Variants in TCFL5 observed in about 807,000 individuals in gnomAD.
The protein encoded by TCFL5 is transcription factor like 5.
Under a neutral mutation model 44.3 loss-of-function variants are expected in TCFL5, and 9 were observed. The ratio of observed to expected loss-of-function variants is 0.20; its 90% CI spans 0.12 to 0.35. The LOEUF (loss-of-function observed/expected upper bound fraction) is 0.35. Ranked by LOEUF, TCFL5 falls within the 10% of genes least tolerant of loss-of-function variation. TCFL5 has a pLI of 1.00. For synonymous variants in TCFL5, 319 were observed against 271.6 expected (o/e 1.17, Z -1.72); for missense variants, 603 against 613.4 (o/e 0.98, Z 0.18).
At position 62,861,652 on chromosome 20, in the gene TCFL5, G is replaced by C. The variant is rs1475682076; in HGVS notation, c.19C>G (p.Arg7Gly). The change falls in exon 1 of 6, where the codon CGG becomes GGG. Residue 7 changes from arginine to glycine, a missense_variant. Physicochemically the swap from Arg to Gly is moderately radical, Grantham distance 125 (BLOSUM62 -2). Coordinates refer to ENST00000335351, the MANE Select transcript of TCFL5 (RefSeq NM_006602.4). The surrounding 1 kb of genome is among the most constrained non-coding windows in gnomAD (Gnocchi z 4.0). ...GCGCCTGCCTCCGGCGGCGGCTCCC[G>C]CGGTCCGGGGCCCGACATGGCGGCG... MSGPGP[R>G]EPPPEAGAAG... 1.8e-4 allele frequency: 167 copies of C among 906,490 alleles called. No homozygotes were observed. Among genetic ancestry groups the C allele is most frequent in the Non-Finnish European group, 2.1e-4 (159 of 759,708 alleles). The allele number at this position is 906,490 out of a possible 1,614,324, so 56.2% of individuals were successfully genotyped here.
Position 62,857,472 on chromosome 20 carries a change from C to T in TCFL5, c.1161G>A (p.Gly387=), listed in dbSNP as rs1224271088. Residue 387 remains glycine (G), a synonymous_variant, in exon 4 of 6, where the codon GGG becomes GGA. Transcript: ENST00000335351. ...QSSESSQANL[G]EQAQSGPQGG... ...CCTGGGGCCCACTCTGGGCCTGCTC[C>T]CCCAGGTTTGCCTGTGAGGACTCCG... 2 of 1,614,224 alleles carry T rather than the reference C, an allele frequency of 1.2e-6. No homozygotes were observed. The highest frequency in any genetic ancestry group is 2.2e-5 in the East Asian group (1 of 44,884).
At chr20:62,845,427 C>A in intron 5 of TCFL5, 1 of 1,259,252 alleles carries the variant, frequency 7.9e-7, no homozygotes, top group Non-Finnish European at 1.0e-6. Flanking sequence ...CCAGCTTCTT[C>A]CCAAATTTTA....
rs2064018914 is a variant in TCFL5, at chr20:62,861,748, G to GGCGGGAC, written c.-79_-78insGTCCCGC. Reference sequence around the variant, plus strand: ...GGGAGGCGGGAGGCGGGAGGCGGGAGGCGACCCCCGGCCCGAGCACTACTC... The same window carrying GGCGGGAC: ...GGGAGGCGGGAGGCGGGAGGCGGGAGGCGGGACGCGACCCCCGGCCCGAGCACTACTC... On this transcript the variant is annotated 5_prime_UTR_variant, in exon 1 of 6. Transcript: ENST00000335351. This position sits in a 1 kb window ranked among gnomAD's most constrained non-coding sequence, Gnocchi z 4.0. The GGCGGGAC allele has an allele frequency of 6.8e-6, 1 of 146,504 alleles. No homozygotes were observed. The highest frequency in any genetic ancestry group is 2.5e-5 in the African/African-American group (1 of 40,134). The allele number at this position is 146,504 out of a possible 1,614,324, so 9.1% of individuals were successfully genotyped here.
At chr20:62,847,256 T>C (rs1358103608) in intron 5 of TCFL5, among the ~76,000 whole-genome samples, 3 of 150,570 alleles carry the variant, frequency 2.0e-5, no homozygotes, top group Non-Finnish European at 2.9e-5. Flanking sequence ...ACCTGTGAAA[T>C]GTTTCAAAAG....
intron 5 of TCFL5, among the ~76,000 whole-genome samples, chr20:62,843,814 C>CTAGG (rs1466510855): frequency 6.6e-6 from 1 of 152,248 alleles, no homozygotes; most frequent in Non-Finnish European, 1.5e-5. Context: ...TCTGACGGCT[C>CTAGG]TAGGTGCCTT....
chr20:62,847,580 C>T (rs2063759564), intron 5 of TCFL5, among the ~76,000 whole-genome samples: 1 of 152,216 alleles, frequency 6.6e-6, no homozygotes, highest in South Asian at 2.1e-4. Context: ...AAAAGAATGG[C>T]TTTTCTTTTT....
At chr20:62,851,993 C>CG (rs199581630) in intron 5 of TCFL5, 2 of 847,790 alleles carry the variant, frequency 2.4e-6, no homozygotes, top group African/African-American at 1.8e-5. Flanking sequence ...TTAATAGAGA[C>CG]GGGGGTCTCA....
chr20:62,860,286 G>C lies in TCFL5; in HGVS notation c.670C>G (p.Pro224Ala). ...LNNLVTLIRH[P>A]SELMNVPLQQ... ...AGAGGAACATTCATTAGTTCAGATG[G>C]ATGTCGAATGAGAGTTACCAAACTG... The change falls in exon 2 of 6, where the codon CCA (proline) becomes GCA (alanine). Residue 224 changes from proline to alanine, a missense_variant. Transcript: ENST00000335351. 1 of 1,609,304 alleles carries C rather than the reference G, an allele frequency of 6.2e-7. No homozygotes were observed. Among genetic ancestry groups the C allele is most frequent in the Non-Finnish European group, 8.5e-7 (1 of 1,176,026 alleles).
At chr20:62,854,716 CTTG>C (rs1305111388) in intron 4 of TCFL5, among the ~76,000 whole-genome samples, 2 of 152,170 alleles carry the variant, frequency 1.3e-5, no homozygotes, top group Admixed American at 1.3e-4. Flanking sequence ...CAATTGGAGT[CTTG>C]TTATTAGACT....
At chr20:62,853,640 T>C (rs2063845540) in intron 5 of TCFL5, among the ~76,000 whole-genome samples, 2 of 152,210 alleles carry the variant, frequency 1.3e-5, no homozygotes, top group South Asian at 2.1e-4. Context: ...CGTGAACCAC[T>C]GTGGCTGGCC....
intron 5 of TCFL5, chr20:62,845,781 G>C: frequency 1.2e-6 from 2 of 1,605,716 alleles, no homozygotes; most frequent in Non-Finnish European, 1.7e-6. Flanking sequence ...GGAAGAGCTG[G>C]AGAATGGGGA....
At chr20:62,849,178 G>T (rs1288714985) in intron 5 of TCFL5, among the ~76,000 whole-genome samples, 2 of 151,372 alleles carry the variant, frequency 1.3e-5, no homozygotes, top group African/African-American at 2.4e-5. Context: ...AAAAAAACAC[G>T]GAAGTATTTA....
At chr20:62,858,556 C>G (rs1251396232) in intron 3 of TCFL5, among the ~76,000 whole-genome samples, 1 of 152,258 alleles carries the variant, frequency 6.6e-6, no homozygotes, top group Non-Finnish European at 1.5e-5. Context: ...TCTTCACCAA[C>G]TCTTGGAAAG....
At chr20:62,846,362 C>G (rs577524240) in intron 5 of TCFL5, among the ~76,000 whole-genome samples, 45 of 152,292 alleles carry the variant, frequency 3.0e-4, no homozygotes, top group African/African-American at 1.1e-3. Context: ...GACCCGTCTC[C>G]TGGGAGCTGG....
chr20:62,841,957 G>T lies in TCFL5; in HGVS notation c.*18C>A, dbSNP rs2063684512. 6.2e-7 allele frequency: 1 copy of T among 1,613,216 alleles called. No individual in the cohort carries two copies. The highest frequency in any genetic ancestry group is 1.3e-5 in the African/African-American group (1 of 74,900). ...AAGGAATGGCTGTTCACCCCCCGAG[G>T]ATTCCTGTTCAGTCCGATCACTTGA... On this transcript the variant is annotated 3_prime_UTR_variant, in exon 6 of 6. Transcript: ENST00000335351.
At chr20:62,846,639 G>A (rs1432330991) in intron 5 of TCFL5, among the ~76,000 whole-genome samples, 1 of 151,792 alleles carries the variant, frequency 6.6e-6, no homozygotes, top group East Asian at 1.9e-4. Context: ...GGTGAGGGGC[G>A]CCTACGGTCC....
chr20:62,855,777 A>T (rs894546604), intron 4 of TCFL5, among the ~76,000 whole-genome samples: 15 of 152,136 alleles, frequency 9.9e-5, no homozygotes, highest in African/African-American at 2.7e-4. Flanking sequence ...ACCAAATAAA[A>T]AAATAAATAA....
intron 3 of TCFL5, among the ~76,000 whole-genome samples, chr20:62,858,562 G>A (rs1489510345): frequency 2.0e-5 from 3 of 152,234 alleles, no homozygotes; most frequent in Non-Finnish European, 4.4e-5. Flanking sequence ...CCAACTCTTG[G>A]AAAGCTAAGT....
At chr20:62,844,639 G>A (rs537367428) in intron 5 of TCFL5, among the ~76,000 whole-genome samples, 59 of 148,706 alleles carry the variant, frequency 4.0e-4, no homozygotes, top group African/African-American at 1.3e-3. Context: ...GTGCAACAGC[G>A]TGATCTCAGC....
Sources: allele counts gnomAD v4.1 joint callset (sites outside exome capture counted in the v4.1 genomes callset), GRCh38; gene constraint gnomAD v4.1.1; non-coding constraint Gnocchi (gnomAD v3.1); transcripts MANE v1.5; gene names NCBI Gene and HGNC (gene_info 2026-07-23, HGNC 2026-07-21).